The following RNF2 variants were observed in gnomAD, a reference collection of about 807,000 sequenced individuals.
The protein encoded by RNF2 is ring finger protein 2.
A neutral mutation model predicts 37.2 loss-of-function variants in RNF2; 6 were observed. The ratio of observed to expected loss-of-function variants is 0.16; its 90% confidence interval spans 0.09 to 0.32. The LOEUF is 0.32. Ranked by LOEUF, RNF2 falls within the 10% of genes least tolerant of loss-of-function variation. The pLI is 1.00. For missense variants in RNF2, 251 were observed against 404.0 expected (o/e 0.62, Z 3.25); for synonymous variants, 133 against 132.7 (o/e 1.00, Z -0.02).
intron 1 of RNF2, among the ~76,000 whole-genome samples, chr1:185,063,532 T>A (rs1198214200): frequency 1.3e-5 from 2 of 152,210 alleles, no homozygotes; most frequent in Non-Finnish European, 2.9e-5. Flanking sequence ...CTTCTCCCAC[T>A]CTTACCATCT....
chr1:185,098,043 T>C, intron 4 of RNF2, 29 bp from the exon 5 acceptor site: 2 of 1,604,774 alleles, frequency 1.2e-6, no homozygotes, highest in Non-Finnish European at 1.7e-6. Flanking sequence ...AAAGTAAATT[T>C]TATGCATCCT....
chr1:185,064,758 A>G lies in RNF2; in HGVS notation c.-3+19109A>G, dbSNP rs535244500. On this transcript the variant is annotated intron_variant, in intron 1 of 6. Coordinates refer to ENST00000367510, the MANE Select transcript of RNF2 (RefSeq NM_007212.4). ...TATTTATGTCTGTAATACCTTTCAG[A>G]ATGTTTTGTAATTTTCATTATGCAA... Among the ~76,000 whole-genome samples the G allele has an allele frequency of 4.2e-4, 64 of 152,264 alleles. No homozygotes were observed. In the South Asian group the frequency reaches 0.013, roughly 31 times the overall value.
rs185987940 is a variant in RNF2, at chr1:185,090,893, A to G, written c.88-686A>G. 5.5e-3 allele frequency among the ~76,000 whole-genome samples: 844 copies of G among 152,334 alleles called. 1 individual carries two copies. Among genetic ancestry groups the G allele is most frequent in the Non-Finnish European group, 0.01 (711 of 68,034 alleles). On this transcript the variant is annotated intron_variant, in intron 2 of 6. Transcript: ENST00000367510. ...CTCCAGATGCATTTTGGAGAGAAACATCTTTAGGCATGACAGTTAGATATA... is the reference window on the plus strand; with the variant it reads ...CTCCAGATGCATTTTGGAGAGAAACGTCTTTAGGCATGACAGTTAGATATA...
At chr1:185,067,902 G>A (rs1650847462) in intron 1 of RNF2, among the ~76,000 whole-genome samples, 1 of 151,484 alleles carries the variant, frequency 6.6e-6, no homozygotes, top group South Asian at 2.1e-4. Flanking sequence ...ATACAGATGG[G>A]GTTTCACCGT....
intron 1 of RNF2, among the ~76,000 whole-genome samples, chr1:185,053,325 CCTTTTTTT>C (rs987968790): frequency 5.3e-5 from 8 of 151,578 alleles, no homozygotes; most frequent in African/African-American, 1.7e-4. Context: ...GCTTCATTTT[CCTTTTTTT>C]CTTTTTCTTT....
At chr1:185,053,155 G>C (rs1250659042) in intron 1 of RNF2, among the ~76,000 whole-genome samples, 2 of 151,886 alleles carry the variant, frequency 1.3e-5, no homozygotes, top group Non-Finnish European at 2.9e-5. Flanking sequence ...GAACTCTCCA[G>C]GTTTTATCTC....
At chr1:185,050,615 T>C (rs1371268679) in intron 1 of RNF2, among the ~76,000 whole-genome samples, 2 of 152,242 alleles carry the variant, frequency 1.3e-5, no homozygotes, top group Non-Finnish European at 2.9e-5. Flanking sequence ...GGAAATAAAA[T>C]ATTGATCATT....
In RNF2 at chr1:185,098,236, A is replaced by G; in HGVS notation, c.629A>G (p.Asn210Ser). 1.2e-6 allele frequency: 2 copies of G among 1,614,240 alleles called. No individual in the cohort carries two copies. The highest frequency in any genetic ancestry group is 1.7e-6 in the Non-Finnish European group (2 of 1,180,034). The change falls in exon 5 of 7, where the codon AAC (asparagine) becomes AGC (serine). Residue 210 changes from asparagine (N) to serine (S), a missense_variant. Around this residue, in one of 7 missense-constraint regions of RNF2, gnomAD observed 94 missense variants for 99.2 expected, o/e 0.95. Transcript: ENST00000367510. ...SDDSGLELDN[N>S]NAAMAIDPVM... The stretch of plus-strand genomic sequence containing the variant: ...GATTCTGGGCTAGAGCTTGATAATA[A>G]CAATGCAGCAATGGCAATTGATCCA...
At chr1:185,066,439 A>G (rs1209955680) in intron 1 of RNF2, among the ~76,000 whole-genome samples, 1 of 152,128 alleles carries the variant, frequency 6.6e-6, no homozygotes, top group Non-Finnish European at 1.5e-5. Flanking sequence ...ACTTCACCTT[A>G]AACTCTTCCT....
At chr1:185,089,909 T>C (rs944802864) in intron 2 of RNF2, among the ~76,000 whole-genome samples, 7 of 151,818 alleles carry the variant, frequency 4.6e-5, no homozygotes, top group Non-Finnish European at 8.8e-5. Context: ...TGCACACCTG[T>C]AATCCCAGCT....
chr1:185,074,734 CATT>C (rs2102177149), intron 1 of RNF2, among the ~76,000 whole-genome samples: 1 of 152,156 alleles, frequency 6.6e-6, no homozygotes, highest in South Asian at 2.1e-4. Flanking sequence ...TTTCTCGTGT[CATT>C]ATTCTCTAAA....
intron 1 of RNF2, among the ~76,000 whole-genome samples, chr1:185,062,352 A>G (rs1181017545): frequency 1.3e-5 from 2 of 152,194 alleles, no homozygotes; most frequent in Non-Finnish European, 2.9e-5. Context: ...ACACATGCAT[A>G]TTATATACAC....
At chr1:185,054,858 C>T (rs971907946) in intron 1 of RNF2, among the ~76,000 whole-genome samples, 1 of 152,126 alleles carries the variant, frequency 6.6e-6, no homozygotes, top group Non-Finnish European at 1.5e-5. Flanking sequence ...CCGCCACGCC[C>T]GGCTATTTTT....
At chr1:185,051,849 A>G (rs1441083250) in intron 1 of RNF2, among the ~76,000 whole-genome samples, 1 of 149,140 alleles carries the variant, frequency 6.7e-6, no homozygotes, top group African/African-American at 2.5e-5. Flanking sequence ...GTATATACAT[A>G]TTATATATAC....
intron 1 of RNF2, among the ~76,000 whole-genome samples, chr1:185,046,460 CCTT>C (rs1377360409): frequency 1.3e-5 from 2 of 152,170 alleles, no homozygotes; most frequent in Non-Finnish European, 2.9e-5. Context: ...ACAGAAGTCT[CCTT>C]CTTGCTTTCA....
At chr1:185,063,792 CCTT>C (rs1426347963) in intron 1 of RNF2, among the ~76,000 whole-genome samples, 4 of 152,088 alleles carry the variant, frequency 2.6e-5, no homozygotes, top group Non-Finnish European at 5.9e-5. Context: ...ATTTGCAGCC[CCTT>C]CTTCCATCTT....
At chr1:185,055,334 A>C (rs894564199) in intron 1 of RNF2, among the ~76,000 whole-genome samples, 1 of 152,200 alleles carries the variant, frequency 6.6e-6, no homozygotes, top group Non-Finnish European at 1.5e-5. Context: ...TCCATGTCCA[A>C]AAAGTTTTAG....
At chr1:185,089,711 A>C (rs1258574948) in intron 2 of RNF2, among the ~76,000 whole-genome samples, 1 of 152,094 alleles carries the variant, frequency 6.6e-6, no homozygotes, top group Non-Finnish European at 1.5e-5. Flanking sequence ...CCAATGTGAA[A>C]TTGAGTTTTC....
chr1:185,068,189 C>T (rs1309467325), intron 1 of RNF2, among the ~76,000 whole-genome samples: 1 of 152,138 alleles, frequency 6.6e-6, no homozygotes, highest in Non-Finnish European at 1.5e-5. Flanking sequence ...ATTAAGGAAA[C>T]AGCATGTATG....
Sources: gnomAD v4.1 joint callset for allele counts (sites outside exome capture counted in the v4.1 genomes callset) on GRCh38, gnomAD v4.1.1 for gene constraint, gnomAD v4.1.1 regional missense constraint, MANE v1.5 for transcripts, NCBI Gene and HGNC (gene_info 2026-07-23, HGNC 2026-07-21) for gene names.